Variants in FBXL7 observed in about 807,000 individuals in gnomAD.
FBXL7 encodes the protein F-box/LRR-repeat protein 7.
Under a neutral mutation model 38.3 loss-of-function variants are expected in FBXL7, and 12 were observed. The ratio of observed to expected loss-of-function variants is 0.31; its 90% confidence interval spans 0.20 to 0.51. The LOEUF is 0.51. FBXL7 is among the 20% of genes least tolerant of loss of function. The pLI is 0.98. For missense variants in FBXL7, 567 were observed against 676.4 expected (o/e 0.84, Z 1.79); for synonymous variants, 297 against 300.9 (o/e 0.99, Z 0.13).
rs1447513808 is a variant in FBXL7 at position 15,866,183 on chromosome 5, CAG to C, written c.128-61704_128-61703del. Reference sequence around the variant, plus strand: ...TTCCCTAGAAATTGTGCGAATGAAACAGAGGTAGATTTTGTTTTCAATTATGG... The same window carrying C: ...TTCCCTAGAAATTGTGCGAATGAAACAGGTAGATTTTGTTTTCAATTATGG... On this transcript the variant is annotated intron_variant, in intron 2 of 3. Coordinates refer to ENST00000504595, the MANE Select transcript of FBXL7 (RefSeq NM_012304.5). Among the ~76,000 whole-genome samples, 7 of 152,202 alleles carry C rather than the reference CAG, an allele frequency of 4.6e-5. No homozygotes were observed. The East Asian group carries it at 1.4e-3, about 29-fold the overall frequency.
chr5:15,512,701 G>T (rs952441317), intron 1 of FBXL7, among the ~76,000 whole-genome samples: 3 of 152,132 alleles, frequency 2.0e-5, no homozygotes, highest in Non-Finnish European at 2.9e-5. Context: ...GTGTTTTTAA[G>T]CATTGCTGAA....
At chr5:15,790,159 C>CT (rs1179647080) in intron 2 of FBXL7, among the ~76,000 whole-genome samples, 3 of 152,136 alleles carry the variant, frequency 2.0e-5, no homozygotes, top group Non-Finnish European at 4.4e-5. Context: ...TATGTTGTTA[C>CT]AGTCAATCTA....
At chr5:15,740,634 A>C (rs1735871858) in intron 2 of FBXL7, among the ~76,000 whole-genome samples, 2 of 152,186 alleles carry the variant, frequency 1.3e-5, no homozygotes, top group Non-Finnish European at 2.9e-5. Flanking sequence ...ATGAGAAATT[A>C]TTTTTGCTGG....
intron 2 of FBXL7, 39 bp from the exon 3 acceptor site, chr5:15,927,851 G>C: frequency 6.7e-7 from 1 of 1,490,494 alleles, no homozygotes; most frequent in Non-Finnish European, 8.9e-7. Flanking sequence ...GCTCTGCTGA[G>C]GCCATCATGA....
intron 2 of FBXL7, among the ~76,000 whole-genome samples, chr5:15,927,299 T>A (rs1741900331): frequency 6.6e-6 from 1 of 152,144 alleles, no homozygotes; most frequent in Non-Finnish European, 1.5e-5. Context: ...GTATTTAATA[T>A]CTGACCCTGT....
intron 2 of FBXL7, among the ~76,000 whole-genome samples, chr5:15,695,056 G>A (rs530169857): frequency 6.6e-6 from 1 of 152,312 alleles, no homozygotes; most frequent in East Asian, 1.9e-4. Context: ...ATTGCTGCCT[G>A]AGTGTCTAAC....
intron 1 of FBXL7, among the ~76,000 whole-genome samples, chr5:15,554,050 GGA>G (rs1738162573): frequency 6.6e-6 from 1 of 152,174 alleles, no homozygotes; most frequent in African/African-American, 2.4e-5. Flanking sequence ...AATTCCTGGG[GGA>G]GAGAGAGAAT....
At chr5:15,606,554 G>A (rs968674543) in intron 1 of FBXL7, among the ~76,000 whole-genome samples, 2 of 152,236 alleles carry the variant, frequency 1.3e-5, no homozygotes, top group Non-Finnish European at 2.9e-5. Flanking sequence ...GAAAGTACCA[G>A]TTAGGACATT....
At chr5:15,861,027 A>G (rs1052825504) in intron 2 of FBXL7, among the ~76,000 whole-genome samples, 2 of 152,176 alleles carry the variant, frequency 1.3e-5, no homozygotes, top group African/African-American at 4.8e-5. Context: ...TATTTGCTAC[A>G]TGGCATTCCA....
At chr5:15,696,476 G>C (rs1282882549) in intron 2 of FBXL7, among the ~76,000 whole-genome samples, 1 of 152,100 alleles carries the variant, frequency 6.6e-6, no homozygotes, top group Non-Finnish European at 1.5e-5. Context: ...TGTGCTGTAA[G>C]CTGAACCTCG....
chr5:15,644,334 G>A (rs1420547859), intron 2 of FBXL7, among the ~76,000 whole-genome samples: 1 of 150,046 alleles, frequency 6.7e-6, no homozygotes, highest in Admixed American at 6.6e-5. Context: ...AAAAGGCCAG[G>A]CGTGGTAGTG....
intron 2 of FBXL7, among the ~76,000 whole-genome samples, chr5:15,644,735 G>A (rs531799409): frequency 9.7e-4 from 147 of 152,204 alleles, no homozygotes; most frequent in African/African-American, 3.4e-3. Flanking sequence ...TCATTGAGGC[G>A]CTCCTCACTG....
At chr5:15,664,136 T>TAAAAAA (rs1742190262) in intron 2 of FBXL7, among the ~76,000 whole-genome samples, 1 of 152,194 alleles carries the variant, frequency 6.6e-6, no homozygotes, top group African/African-American at 2.4e-5. Context: ...AATTTTTTTA[T>TAAAAAA]ATTGGGGTTT....
intron 2 of FBXL7, among the ~76,000 whole-genome samples, chr5:15,677,511 G>A (rs1742702997): frequency 6.6e-6 from 1 of 151,242 alleles, no homozygotes; most frequent in Admixed American, 6.6e-5. Context: ...AGGAAGAAAG[G>A]AAAGAAGGAG....
chr5:15,679,104 C>G (rs952235084), intron 2 of FBXL7, among the ~76,000 whole-genome samples: 1 of 152,182 alleles, frequency 6.6e-6, no homozygotes, highest in Non-Finnish European at 1.5e-5. Flanking sequence ...TGATGATCAC[C>G]TGAAATGATT....
rs535575086 is a variant in FBXL7, at chr5:15,671,386, A to G, written c.127+55314A>G. 1.6e-4 allele frequency among the ~76,000 whole-genome samples: 24 copies of G among 152,212 alleles called. 1 individual carries two copies. The highest frequency in any genetic ancestry group is 5.3e-4 in the African/African-American group (22 of 41,488). ...TTTCTCTAACATTTTTGCTCATTCA[A>G]TAAGGCCTCTGCTATGATAGGTAAA... On this transcript the variant is annotated intron_variant, in intron 2 of 3. Coordinates refer to ENST00000504595, the MANE Select transcript of FBXL7 (RefSeq NM_012304.5).
chr5:15,568,202 C>G (rs1202546669), intron 1 of FBXL7, among the ~76,000 whole-genome samples: 8 of 151,946 alleles, frequency 5.3e-5, no homozygotes, highest in East Asian at 1.9e-4. Flanking sequence ...AACTAGTTTA[C>G]AGTCCCACCA....
intron 2 of FBXL7, among the ~76,000 whole-genome samples, chr5:15,731,516 T>C (rs1000033765): frequency 4.0e-5 from 6 of 151,576 alleles, no homozygotes; most frequent in Admixed American, 3.3e-4. Context: ...AGCTACAAGA[T>C]GAGATTTGTG....
chr5:15,691,354 C>G (rs1034091569), intron 2 of FBXL7, among the ~76,000 whole-genome samples: 1 of 152,218 alleles, frequency 6.6e-6, no homozygotes, highest in Non-Finnish European at 1.5e-5. Flanking sequence ...TGAGAACAGA[C>G]CAATTTTCAT....
Sources: allele counts gnomAD v4.1 joint callset (sites outside exome capture counted in the v4.1 genomes callset), GRCh38; gene constraint gnomAD v4.1.1; transcripts MANE v1.5; gene names NCBI Gene and HGNC (gene_info 2026-07-23, HGNC 2026-07-21).